The following PTPRH variants were observed in gnomAD, a reference collection of about 807,000 sequenced individuals.
PTPRH encodes the protein receptor-type tyrosine-protein phosphatase H.
In PTPRH, 113 loss-of-function variants were observed where a neutral mutation model predicts 130.2. The ratio of observed to expected loss-of-function variants is 0.87; its 90% CI spans 0.75 to 1.01. PTPRH has a LOEUF of 1.01. PTPRH is among the 50% of genes least tolerant of loss of function. PTPRH has a pLI of 0.00. For synonymous variants in PTPRH, 556 were observed against 577.9 expected, an observed-to-expected ratio of 0.96 and a Z score of 0.54; for missense variants, 1,430 against 1,425.0, an observed-to-expected ratio of 1.00 and a Z score of -0.06.
At position 55,206,966 on chromosome 19, in the gene PTPRH, G is replaced by T. The variant is rs771979698; in HGVS notation, c.86-11C>A. 5.1e-6 allele frequency: 8 copies of T among 1,579,092 alleles called. No homozygotes were observed. The Admixed American group carries it at 1.4e-4, about 28-fold the overall frequency. On this transcript the variant is annotated splice_polypyrimidine_tract_variant and intron_variant, in intron 2 of 19. Transcript: ENST00000376350. ...TCCCTGGGTTGGGGGCTGAGAATTG[G>T]GAAGGAAGGTCTGACAAAAAGGGAA...
At chr19:55,202,592 T>TAC (rs146718002) in intron 5 of PTPRH, among the ~76,000 whole-genome samples, 23,420 of 149,904 alleles carry the variant, frequency 0.16, 2,275 homozygotes, top group East Asian at 0.3. Context: ...ATTGATCCTA[T>TAC]ACACACACAC....
At position 55,198,734 on chromosome 19, in the gene PTPRH, C is replaced by T; in HGVS notation, c.1599G>A (p.Lys533=). ...GGTACAGGCTGCCAGCTTCCAGTTCCTTTAGGGTGATGTCAGTACCTGAGG... is the reference window on the plus strand; with the variant it reads ...GGTACAGGCTGCCAGCTTCCAGTTCTTTTAGGGTGATGTCAGTACCTGAGG... ...QSTSGTDITL[K]ELEAGSLYHL... is the part of the protein sequence containing the mutation. Residue 533 remains lysine, a synonymous_variant, in exon 8 of 20, where the codon AAG becomes AAA. Transcript: ENST00000376350. 1 of 1,614,138 alleles carries T rather than the reference C, an allele frequency of 6.2e-7. No individual in the cohort carries two copies. Among genetic ancestry groups the T allele is most frequent in the Non-Finnish European group, 8.5e-7 (1 of 1,180,016 alleles).
At chr19:55,187,354 A>AT (rs2086384997) in intron 14 of PTPRH, among the ~76,000 whole-genome samples, 159 bp downstream of exon 14, 1 of 137,576 alleles carries the variant, frequency 7.3e-6, no homozygotes, top group Non-Finnish European at 1.5e-5. Context: ...CAAAAAAAAA[A>AT]AAAAAAGAAA....
At chr19:55,207,279 G>C (rs1226461161) in intron 1 of PTPRH, 80 bp from the exon 2 acceptor site, 1 of 1,488,358 alleles carries the variant, frequency 6.7e-7, no homozygotes, top group Admixed American at 2.0e-5. Context: ...GGGAGGAGCG[G>C]CTGGTCCCCG....
chr19:55,191,629 C>T lies in PTPRH; in HGVS notation c.2336+34G>A, dbSNP rs201811723. On this transcript the variant is annotated intron_variant, in intron 11 of 19. Coordinates refer to ENST00000376350, the MANE Select transcript of PTPRH (RefSeq NM_002842.5). ...CCTCCTCCTTCTTCTCCAGCCCCCA[C>T]CCTCCAGGCGGTCAGCCCTGTGCTG... 14 of 1,612,626 alleles carry T rather than the reference C, an allele frequency of 8.7e-6. No homozygotes were observed. The African/African-American group carries it at 1.6e-4, about 18-fold the overall frequency.
At position 55,202,612 on chromosome 19, in the gene PTPRH, T is replaced by C. The variant is rs202014311; in HGVS notation, c.887-290A>G. Among the ~76,000 whole-genome samples the C allele has an allele frequency of 8.9e-4, 124 of 139,962 alleles. 1 individual carries two copies. The highest frequency in any genetic ancestry group is 3.0e-3 in the African/African-American group (111 of 37,424). The allele number at this position is 139,962 out of a possible 152,430, so 91.8% of individuals were successfully genotyped here. On this transcript the variant is annotated intron_variant, in intron 5 of 19. Coordinates refer to ENST00000376350, the MANE Select transcript of PTPRH (RefSeq NM_002842.5). Reference sequence around the variant, plus strand: ...TCCTATACACACACACACACACACATATATATACACATACACATATATATA... The same window carrying C: ...TCCTATACACACACACACACACACACATATATACACATACACATATATATA...
chr19:55,189,350 G>A (rs1331308529), intron 12 of PTPRH, among the ~76,000 whole-genome samples: 1 of 152,112 alleles, frequency 6.6e-6, no homozygotes, highest in African/African-American at 2.4e-5. Context: ...GTTAGACTGT[G>A]TCACTAGCCT....
At chr19:55,204,496 C>A (rs544726152) in intron 4 of PTPRH, among the ~76,000 whole-genome samples, 73 of 152,316 alleles carry the variant, frequency 4.8e-4, no homozygotes, top group Non-Finnish European at 9.7e-4. Context: ...CAGGGCTTCT[C>A]ATTCTTTGCT....
In PTPRH at chr19:55,200,758, C is replaced by T. The variant is rs143560061; in HGVS notation, c.1154-256G>A. Among the ~76,000 whole-genome samples, 1,425 of 152,082 alleles carry T rather than the reference C, an allele frequency of 9.4e-3. 23 individuals are homozygous for T. Among genetic ancestry groups the T allele is most frequent in the African/African-American group, 0.031 (1,289 of 41,466 alleles). ...AGGAGATTGAGACCATCCTGGCTAACACGGTGAAACCTGTCTCTACTAAAA... is the reference window on the plus strand; with the variant it reads ...AGGAGATTGAGACCATCCTGGCTAATACGGTGAAACCTGTCTCTACTAAAA... On this transcript the variant is annotated intron_variant, in intron 6 of 19. Coordinates refer to ENST00000376350, the MANE Select transcript of PTPRH (RefSeq NM_002842.5).
chr19:55,206,441 A>C (rs2087058554), intron 3 of PTPRH, among the ~76,000 whole-genome samples: 2 of 151,144 alleles, frequency 1.3e-5, no homozygotes, highest in African/African-American at 4.9e-5. Context: ...CTCTCACCTC[A>C]GCCTCCCGAG....
chr19:55,184,778 C>T (rs774657807), intron 18 of PTPRH, among the ~76,000 whole-genome samples: 9 of 148,750 alleles, frequency 6.1e-5, no homozygotes, highest in Non-Finnish European at 1.2e-4. Flanking sequence ...CAGGGAGAGA[C>T]TCCATCTCAA....
In PTPRH at chr19:55,209,019, G is replaced by C. The variant is rs2087159926; in HGVS notation, c.51+364C>G. Among the ~76,000 whole-genome samples, 1 of 151,038 alleles carries C rather than the reference G, an allele frequency of 6.6e-6. No individual in the cohort carries two copies. Among genetic ancestry groups the C allele is most frequent in the Non-Finnish European group, 1.5e-5 (1 of 67,766 alleles). ...AGGAGGGGCTGGGGTCTGGACTCTT[G>C]GTTTGAGGGAGGAGGGGCTGCTTCC... On this transcript the variant is annotated intron_variant, in intron 1 of 19. Coordinates refer to ENST00000376350, the MANE Select transcript of PTPRH (RefSeq NM_002842.5). The surrounding 1 kb of genome is among the most constrained non-coding windows in gnomAD (Gnocchi z 4.1).
chr19:55,190,976 G>A (rs954947610), intron 12 of PTPRH, among the ~76,000 whole-genome samples: 1 of 152,016 alleles, frequency 6.6e-6, no homozygotes, highest in Admixed American at 6.6e-5. Flanking sequence ...CAAGTAGCTG[G>A]GACTATAGGT....
chr19:55,205,504 T>C lies in PTPRH; in HGVS notation c.441A>G (p.Pro147=). ...LTWEVPDGPD[P]QNSTYGVEYT... ...ACTCAACCCCGTAGGTGGAGTTCTG[T>C]GGGTCTGGGCCGTCGGGGACCTCCC... Residue 147 remains proline (P), a synonymous_variant, in exon 4 of 20, where the codon CCA becomes CCG. Transcript: ENST00000376350. 1.9e-6 allele frequency: 3 copies of C among 1,614,182 alleles called. No homozygotes were observed. Among genetic ancestry groups the C allele is most frequent in the South Asian group, 1.1e-5 (1 of 91,084 alleles).
rs752898853 is a variant in PTPRH at position 55,185,554 on chromosome 19, G to A, written c.3010C>T (p.Arg1004Trp). 28 of 1,614,060 alleles carry A rather than the reference G, an allele frequency of 1.7e-5. No individual in the cohort carries two copies. The highest frequency in any genetic ancestry group is 3.3e-5 in the Admixed American group (2 of 59,998). Residue 1004 changes from arginine (R) to tryptophan (W), a missense_variant, in exon 18 of 20, where the codon CGG becomes TGG. By Grantham distance (101) the Arg-to-Trp change is moderately radical. Transcript: ENST00000376350. ...DTLLAFWRMLRQWLDQTMEGG... is the reference protein window; with the variant it reads ...DTLLAFWRMLWQWLDQTMEGG... ...TCCATGGTCTGATCCAGCCACTGCC[G>A]AAGCATCCTCCAGAAAGCCAGCAAG...
Position 55,181,419 on chromosome 19 carries a change from A to G in PTPRH, c.*335T>C. The G allele has an allele frequency of 3.9e-6, 1 of 256,944 alleles. No homozygotes were observed. The highest frequency in any genetic ancestry group is 7.5e-6 in the Non-Finnish European group (1 of 133,028). 15.9% of individuals were successfully genotyped at this position (256,944 alleles called of 1,614,324 possible). A position where few individuals can be genotyped will look rare whatever the true frequency, so the allele number is the denominator to read the frequency against. ...GGATCCTTCCTGCCTTTGGTCCTCAAGTAGCCAGAACTCCAGACCCAAATT... is the reference window on the plus strand; with the variant it reads ...GGATCCTTCCTGCCTTTGGTCCTCAGGTAGCCAGAACTCCAGACCCAAATT... On this transcript the variant is annotated 3_prime_UTR_variant, in exon 20 of 20. Transcript: ENST00000376350.
chr19:55,196,757 GAC>G lies in PTPRH; in HGVS notation c.2020_2021del (p.Val674GlnfsTer23). The G allele has an allele frequency of 6.2e-7, 1 of 1,614,094 alleles. No individual in the cohort carries two copies. Among genetic ancestry groups the G allele is most frequent in the Non-Finnish European group, 8.5e-7 (1 of 1,179,948 alleles). ...YPDTVTITSC[V>X]STSAGYGVNL... ...TGACTCCATAGCCCGCTGAGGTGCT[GAC>G]ACAGGAAGTGATGGTGACTGTGTCT... On this transcript the variant is annotated frameshift_variant, in exon 10 of 20. Coordinates refer to ENST00000376350, the MANE Select transcript of PTPRH (RefSeq NM_002842.5). LOFTEE classifies it high-confidence loss of function.
intron 18 of PTPRH, among the ~76,000 whole-genome samples, chr19:55,182,477 C>A (rs1447182419): frequency 2.0e-5 from 3 of 152,142 alleles, no homozygotes; most frequent in Non-Finnish European, 4.4e-5. Flanking sequence ...GAGCCAAGAT[C>A]ACACCACTGC....
intron 4 of PTPRH, 141 bp from the exon 5 acceptor site, chr19:55,204,189 G>C: frequency 2.1e-6 from 2 of 940,834 alleles, no homozygotes; most frequent in Non-Finnish European, 3.1e-6. Context: ...GCACGATCTC[G>C]GCTCACCACA....
Sources: gnomAD v4.1 joint callset for allele counts (sites outside exome capture counted in the v4.1 genomes callset) on GRCh38, gnomAD v4.1.1 for gene constraint, Gnocchi (gnomAD v3.1) non-coding constraint, MANE v1.5 for transcripts, NCBI Gene and HGNC (gene_info 2026-07-23, HGNC 2026-07-21) for gene names.